Variants in RUFY2 observed in about 807,000 individuals in gnomAD.
RUFY2 encodes the protein RUN and FYVE domain-containing protein 2.
RUFY2 carries 49 observed loss-of-function variants against 94.4 expected under a neutral mutation model. The observed-to-expected ratio is 0.52, with a 90% CI of 0.41 to 0.66. RUFY2 has a LOEUF of 0.66. Ranked by LOEUF, RUFY2 falls within the 30% of genes least tolerant of loss-of-function variation. The probability of loss-of-function intolerance (pLI) is 0.00; values close to 1 mark genes in which losing one functional copy is unlikely to be tolerated. For synonymous variants in RUFY2, 255 were observed against 235.7 expected, an observed-to-expected ratio of 1.08 and a Z score of -0.75; for missense variants, 541 against 692.8, an observed-to-expected ratio of 0.78 and a Z score of 2.46.
At chr10:68,361,625 A>C (rs2047469425) in intron 15 of RUFY2, among the ~76,000 whole-genome samples, 1 of 152,228 alleles carries the variant, frequency 6.6e-6, no homozygotes, top group Non-Finnish European at 1.5e-5. Context: ...AGCTGTAAAG[A>C]CAAAAACAGC....
chr10:68,342,560 A>ATAT (rs765333033), downstream of RUFY2: 1 of 152,434 alleles, frequency 6.6e-6, no homozygotes, highest in East Asian at 1.9e-4. Context: ...AATTATTTCT[A>ATAT]TATTATTATT....
chr10:68,348,945 T>C (rs1156555429), intron 16 of RUFY2, among the ~76,000 whole-genome samples: 2 of 152,078 alleles, frequency 1.3e-5, no homozygotes, highest in African/African-American at 4.8e-5. Flanking sequence ...CTCTGCCCAA[T>C]TCCAGAAAGT....
chr10:68,345,399 G>A lies in RUFY2; in HGVS notation c.*369C>T, dbSNP rs2046212181. 1.0e-5 allele frequency: 4 copies of A among 395,080 alleles called. No individual in the cohort carries two copies. The highest frequency in any genetic ancestry group is 6.3e-4 in the Middle Eastern group (1 of 1,596). The allele number at this position is 395,080 out of a possible 1,614,324, so 24.5% of individuals were successfully genotyped here. ...GCGTTTCCAGTTTCAGAACTGTGAA[G>A]CTTTAAAGTGCATTAAGAGAACTGC... is the stretch of plus-strand genomic sequence containing the variant. On this transcript the variant is annotated 3_prime_UTR_variant, in exon 18 of 18. Coordinates refer to ENST00000602465, the MANE Select transcript of RUFY2 (RefSeq NM_001330103.2).
chr10:68,343,355 G>T (rs1037558683), downstream of RUFY2: 8 of 152,456 alleles, frequency 5.2e-5, no homozygotes, highest in Middle Eastern at 3.2e-3. Context: ...CTTAATGCTT[G>T]TATCCACTTC....
chr10:68,382,290 T>C (rs1177880229), intron 10 of RUFY2, among the ~76,000 whole-genome samples: 1 of 151,236 alleles, frequency 6.6e-6, no homozygotes. Flanking sequence ...TCTCCTGACC[T>C]TGTGATCCAC....
chr10:68,406,749 C>T (rs368862320), intron 1 of RUFY2: 2 of 1,606,834 alleles, frequency 1.2e-6, no homozygotes, highest in Non-Finnish European at 1.7e-6. Flanking sequence ...TCGCGGCGGG[C>T]TCACCCAGGC....
intron 12 of RUFY2, chr10:68,379,022 G>T (rs1455473448): frequency 7.3e-6 from 2 of 274,912 alleles, no homozygotes; most frequent in Admixed American, 5.1e-5. Context: ...CCACCAATTC[G>T]GAATGCTTGA....
chr10:68,341,140 A>G (rs748639224), downstream of RUFY2: 1 of 1,454,834 alleles, frequency 6.9e-7, no homozygotes, highest in Admixed American at 2.4e-5. Flanking sequence ...AATATTCTCA[A>G]TAGAAAAGTA....
intron 14 of RUFY2, 145 bp from the exon 15 acceptor site, chr10:68,363,829 G>T: frequency 1.2e-6 from 1 of 819,796 alleles, no homozygotes; most frequent in Non-Finnish European, 1.8e-6. Flanking sequence ...CCTAGCTGCT[G>T]TATCAACTAT....
rs200438392 is a variant in RUFY2 at position 68,377,512 on chromosome 10, C to G, written c.1206-540G>C. 131 of 946,692 alleles carry G rather than the reference C, an allele frequency of 1.4e-4. No individual in the cohort carries two copies. In the Middle Eastern group the frequency reaches 1.6e-3, roughly 12 times the overall value. The allele number at this position is 946,692 out of a possible 1,614,324, so 58.6% of individuals were successfully genotyped here. ...GCATTTACTAAATTATGCCGAAGCT[C>G]TGTGTGTGTGTGTGTGTGCACGTGT... On this transcript the variant is annotated intron_variant, in intron 12 of 17. Coordinates refer to ENST00000602465, the MANE Select transcript of RUFY2 (RefSeq NM_001330103.2).
intron 13 of RUFY2, among the ~76,000 whole-genome samples, chr10:68,367,696 TTTTC>T (rs962139225): frequency 3.6e-4 from 54 of 149,916 alleles, no homozygotes; most frequent in African/African-American, 1.1e-3. Flanking sequence ...CCTCCCTGCT[TTTTC>T]TTTCTTTCTC....
Position 68,396,770 on chromosome 10 carries a change from T to C in RUFY2, c.398+10A>G, listed in dbSNP as rs1158018894. The C allele has an allele frequency of 6.4e-7, 1 of 1,572,242 alleles. No individual in the cohort carries two copies. Among genetic ancestry groups the C allele is most frequent in the South Asian group, 1.1e-5 (1 of 89,492 alleles). On this transcript the variant is annotated intron_variant, in intron 4 of 17. Coordinates refer to ENST00000602465, the MANE Select transcript of RUFY2 (RefSeq NM_001330103.2). ...AAAAAATGAAAAGATCACGACTTAATAGTACTAACCTCAAGAGATCCCTCT... is the reference window on the plus strand; with the variant it reads ...AAAAAATGAAAAGATCACGACTTAACAGTACTAACCTCAAGAGATCCCTCT...
chr10:68,347,248 G>C (rs988092149), intron 16 of RUFY2, among the ~76,000 whole-genome samples: 1 of 145,076 alleles, frequency 6.9e-6, no homozygotes, highest in Non-Finnish European at 1.5e-5. Context: ...GATGTAAGTA[G>C]TCTTAAGCAG....
chr10:68,406,810 G>A (rs749123573), intron 1 of RUFY2: 2 of 1,612,246 alleles, frequency 1.2e-6, no homozygotes, highest in Non-Finnish European at 8.5e-7. Flanking sequence ...AGGCACCCAG[G>A]CCAAAACCTG....
chr10:68,379,253 A>C, intron 12 of RUFY2, 171 bp downstream of exon 12: 1 of 540,464 alleles, frequency 1.9e-6, no homozygotes, highest in Non-Finnish European at 3.3e-6. Context: ...ATATAAAGCA[A>C]CTTGATTCCA....
At chr10:68,381,100 GA>G (rs766572179) in intron 11 of RUFY2, 131 bp downstream of exon 11, 58 of 506,016 alleles carry the variant, frequency 1.1e-4, no homozygotes, top group South Asian at 3.5e-4. Flanking sequence ...CTTTCATTTA[GA>G]AAAAAAAAGA....
At chr10:68,391,650 T>C (rs973833323) in intron 7 of RUFY2, among the ~76,000 whole-genome samples, 1 of 104,116 alleles carries the variant, frequency 9.6e-6, no homozygotes, top group African/African-American at 4.2e-5. Flanking sequence ...TGAGACCCTG[T>C]CTCAAAAAAA....
At chr10:68,376,743 C>A (rs56249854) in intron 13 of RUFY2, 110 bp downstream of exon 13, 17,513 of 1,084,664 alleles carry the variant, frequency 0.016, 188 homozygotes, top group Middle Eastern at 0.025. Context: ...ACACTAAAAG[C>A]TAACTGGCAT....
In RUFY2 at chr10:68,376,965, G is replaced by C; in HGVS notation, c.1213C>G (p.Gln405Glu). The change falls in exon 13 of 18, where the codon CAA (glutamine) becomes GAA (glutamate). Residue 405 changes from glutamine to glutamate, a missense_variant. Coordinates refer to ENST00000602465, the MANE Select transcript of RUFY2 (RefSeq NM_001330103.2). Reference sequence around the variant, plus strand: ...GCTTCCATTTGCGCCTTCTCTGCTTGCTGCAATCTGGTGTAATTCAAATCA... The same window carrying C: ...GCTTCCATTTGCGCCTTCTCTGCTTCCTGCAATCTGGTGTAATTCAAATCA... ...AMRQLEQRLQ[Q>E]AEKAQMEAED... is the part of the protein sequence containing the mutation. 1 of 1,613,292 alleles carries C rather than the reference G, an allele frequency of 6.2e-7. No individual in the cohort carries two copies. Among genetic ancestry groups the C allele is most frequent in the Non-Finnish European group, 8.5e-7 (1 of 1,179,886 alleles).
Sources: allele counts gnomAD v4.1 joint callset (sites outside exome capture counted in the v4.1 genomes callset), GRCh38; gene constraint gnomAD v4.1.1; transcripts MANE v1.5; gene names NCBI Gene and HGNC (gene_info 2026-07-23, HGNC 2026-07-21).